The following MAPK10 variants were observed in gnomAD, a reference collection of about 807,000 sequenced individuals.
The protein encoded by MAPK10 is mitogen-activated protein kinase 10.
A neutral mutation model predicts 59.3 loss-of-function variants in MAPK10; 25 were observed. The ratio of observed to expected loss-of-function variants is 0.42; its 90% CI spans 0.31 to 0.59. The LOEUF (loss-of-function observed/expected upper bound fraction) is 0.59. MAPK10 is among the 20% of genes least tolerant of loss of function. MAPK10 has a pLI of 0.15. For missense variants in MAPK10, 351 were observed against 568.9 expected (o/e 0.62, Z 3.90); for synonymous variants, 190 against 200.5 (o/e 0.95, Z 0.44).
At chr4:86,389,430 A>C (rs1016122490) in intron 1 of MAPK10, among the ~76,000 whole-genome samples, 6 of 152,236 alleles carry the variant, frequency 3.9e-5, no homozygotes, top group Middle Eastern at 3.2e-3. Context: ...ATAACATTTA[A>C]CTTTGTCCTA....
intron 2 of MAPK10, among the ~76,000 whole-genome samples, chr4:86,257,684 T>G (rs1306885049): frequency 6.6e-6 from 1 of 152,112 alleles, no homozygotes; most frequent in East Asian, 1.9e-4. Flanking sequence ...GGCATCCACA[T>G]TTTAGCTTTC....
intron 1 of MAPK10, among the ~76,000 whole-genome samples, chr4:86,424,467 G>A (rs191649177): frequency 4.2e-4 from 64 of 152,114 alleles, no homozygotes; most frequent in Non-Finnish European, 7.5e-4. Flanking sequence ...GGGAGATTAC[G>A]GACATGAGCC....
chr4:86,150,357 A>T (rs571900321), intron 4 of MAPK10, among the ~76,000 whole-genome samples: 4 of 152,224 alleles, frequency 2.6e-5, no homozygotes, highest in Non-Finnish European at 5.9e-5. Flanking sequence ...CATGTACACC[A>T]CTTGGGTGAT....
At chr4:86,025,590 A>G (rs976930205) in intron 13 of MAPK10, 5 of 397,968 alleles carry the variant, frequency 1.3e-5, no homozygotes, top group African/African-American at 1.0e-4. Flanking sequence ...ATTTAAGAGA[A>G]AACAGTAGAG....
chr4:86,517,131 G>A (rs969304530), intron 1 of MAPK10, among the ~76,000 whole-genome samples: 2 of 151,978 alleles, frequency 1.3e-5, no homozygotes, highest in Non-Finnish European at 2.9e-5. Flanking sequence ...AGGGATGCTG[G>A]ATTTTGTCAA....
intron 2 of MAPK10, among the ~76,000 whole-genome samples, chr4:86,214,016 A>G (rs1186266461): frequency 6.6e-6 from 1 of 152,098 alleles, no homozygotes; most frequent in Non-Finnish European, 1.5e-5. Flanking sequence ...GCAACACATT[A>G]AAGGGATTAT....
chr4:86,085,521 G>T (rs191774892), intron 9 of MAPK10, among the ~76,000 whole-genome samples: 1 of 152,274 alleles, frequency 6.6e-6, no homozygotes, highest in Admixed American at 6.5e-5. Flanking sequence ...GATCATCAGA[G>T]AAATGCAAAT....
rs186206424 is a variant in MAPK10, at chr4:86,216,167, C to A, written c.-6-21760G>T. 9.9e-5 allele frequency among the ~76,000 whole-genome samples: 15 copies of A among 151,748 alleles called. No homozygotes were observed. In the East Asian group the frequency reaches 2.9e-3, roughly 29 times the overall value. ...AGGGTCTCAAAAAGATATTTGTACA[C>A]CTGTCTTCATAGCAGTATTATTCAC... On this transcript the variant is annotated intron_variant, in intron 2 of 13. Coordinates refer to ENST00000641462, the MANE Select transcript of MAPK10 (RefSeq NM_138982.4).
chr4:86,193,871 G>A (rs918795292), intron 3 of MAPK10: 2 of 159,026 alleles, frequency 1.3e-5, no homozygotes, highest in African/African-American at 4.8e-5. Context: ...TTGAAACCCA[G>A]GACCCTTGCG....
At chr4:86,349,832 C>G (rs1730250854) in intron 2 of MAPK10, among the ~76,000 whole-genome samples, 1 of 152,104 alleles carries the variant, frequency 6.6e-6, no homozygotes, top group South Asian at 2.1e-4. Context: ...ATGCTGCTAG[C>G]CCCCAGACCA....
intron 1 of MAPK10, among the ~76,000 whole-genome samples, chr4:86,465,680 T>C (rs1258427502): frequency 6.6e-6 from 1 of 152,180 alleles, no homozygotes; most frequent in African/African-American, 2.4e-5. Context: ...ATGCTTGTGT[T>C]TCTCCAGGAC....
chr4:86,031,722 A>G, intron 11 of MAPK10: 1 of 286,878 alleles, frequency 3.5e-6, no homozygotes, highest in African/African-American at 2.2e-5. Flanking sequence ...CGCCTAAGCA[A>G]TTAATGACTG....
intron 3 of MAPK10, among the ~76,000 whole-genome samples, chr4:86,186,912 C>T (rs1197163487): frequency 6.6e-6 from 1 of 152,092 alleles, no homozygotes; most frequent in Non-Finnish European, 1.5e-5. Context: ...CACTAACAAA[C>T]GTTGTTGCCA....
In MAPK10 at chr4:86,013,235, T is replaced by G. The variant is rs1289946458; in HGVS notation, c.*3993A>C. On this transcript the variant is annotated 3_prime_UTR_variant, in exon 14 of 14. Coordinates refer to ENST00000641462, the MANE Select transcript of MAPK10 (RefSeq NM_138982.4). ...TCACAAAGAAAATAGCTAAAATAAC[T>G]ATTTACATTGCAACTTTTTTGTTGT... is the stretch of plus-strand genomic sequence containing the variant. 1.3e-5 allele frequency: 2 copies of G among 152,180 alleles called. No individual in the cohort carries two copies. Among genetic ancestry groups the G allele is most frequent in the East Asian group, 3.9e-4 (2 of 5,194 alleles). 9.4% of individuals were successfully genotyped at this position (152,180 alleles called of 1,614,324 possible).
At chr4:86,410,430 G>T (rs542894929) in intron 1 of MAPK10, among the ~76,000 whole-genome samples, 1 of 152,318 alleles carries the variant, frequency 6.6e-6, no homozygotes, top group South Asian at 2.1e-4. Context: ...ATGAATTAGG[G>T]AGGATTCCCT....
At chr4:86,399,054 T>G (rs1048481293) in intron 1 of MAPK10, among the ~76,000 whole-genome samples, 25 of 152,324 alleles carry the variant, frequency 1.6e-4, no homozygotes, top group African/African-American at 6.0e-4. Context: ...TGGATACTGC[T>G]GCAACGAACA....
intron 1 of MAPK10, among the ~76,000 whole-genome samples, chr4:86,382,703 G>A (rs1740928722): frequency 6.6e-6 from 1 of 152,196 alleles, no homozygotes; most frequent in African/African-American, 2.4e-5. Context: ...TTCTTTGAGA[G>A]TATGATCTTT....
chr4:86,539,024 A>C (rs1758468311), intron 1 of MAPK10, among the ~76,000 whole-genome samples: 1 of 152,210 alleles, frequency 6.6e-6, no homozygotes, highest in Non-Finnish European at 1.5e-5. Context: ...GCTTGAGTCT[A>C]AGTGAAAATC....
chr4:86,255,188 G>A (rs763333177), intron 2 of MAPK10, among the ~76,000 whole-genome samples: 1 of 152,124 alleles, frequency 6.6e-6, no homozygotes, highest in Non-Finnish European at 1.5e-5. Flanking sequence ...TCCTAGCTGA[G>A]TTTTGCCTGG....
Sources: allele counts gnomAD v4.1 joint callset (sites outside exome capture counted in the v4.1 genomes callset), GRCh38; gene constraint gnomAD v4.1.1; transcripts MANE v1.5; gene names NCBI Gene and HGNC (gene_info 2026-07-23, HGNC 2026-07-21).